The following PCDHGB1 variants were observed in gnomAD, a reference collection of about 807,000 sequenced individuals.
The protein encoded by PCDHGB1 is protocadherin gamma subfamily B, 1, also known as protocadherin gamma-B1.
In PCDHGB1, 34 loss-of-function variants were observed where a neutral mutation model predicts 56.6. The ratio of observed to expected loss-of-function variants is 0.60; its 90% confidence interval spans 0.46 to 0.80. PCDHGB1 has a LOEUF of 0.80. PCDHGB1 is among the 30% of genes least tolerant of loss of function. The pLI is 0.00. For synonymous variants in PCDHGB1, 561 were observed against 505.9 expected, an observed-to-expected ratio of 1.11 and a Z score of -1.46; for missense variants, 1,278 against 1,204.6, an observed-to-expected ratio of 1.06 and a Z score of -0.90.
At chr5:141,420,808 G>A (rs539942896) in intron 1 of PCDHGB1, among the ~76,000 whole-genome samples, 2 of 152,288 alleles carry the variant, frequency 1.3e-5, no homozygotes, top group Admixed American at 6.5e-5. Flanking sequence ...AATTAAGCAA[G>A]CCCTTTTAAT....
chr5:141,392,597 C>G (rs761805266), intron 1 of PCDHGB1: 11 of 501,346 alleles, frequency 2.2e-5, no homozygotes, highest in Non-Finnish European at 3.8e-5. Context: ...TGTTCACCTA[C>G]TGGAAGACAA....
In PCDHGB1 at chr5:141,486,077, C is replaced by T; in HGVS notation, c.2410-8730C>T. 6.2e-7 allele frequency: 1 copy of T among 1,614,186 alleles called. No individual in the cohort carries two copies. The highest frequency in any genetic ancestry group is 8.5e-7 in the Non-Finnish European group (1 of 1,180,024). ...TAGCCTGCACCCCACTACTGGAAAG[C>T]TTACTCTTTTGGGGCCCCTAGACTT... On this transcript the variant is annotated intron_variant, in intron 1 of 3. Coordinates refer to ENST00000523390, the MANE Select transcript of PCDHGB1 (RefSeq NM_018922.3). The surrounding 1 kb of genome is among the most constrained non-coding windows in gnomAD (Gnocchi z 5.0).
At chr5:141,403,118 C>A (rs780657795) in intron 1 of PCDHGB1, 2 of 1,614,058 alleles carry the variant, frequency 1.2e-6, no homozygotes. Context: ...GGCTCTGGAG[C>A]CCCGGGAGCT....
At chr5:141,361,247 CGAGAGACAGAGACTCTG>C in intron 1 of PCDHGB1, 4 of 1,613,946 alleles carry the variant, frequency 2.5e-6, no homozygotes, top group Non-Finnish European at 3.4e-6. Context: ...TTGATAAAAA[CGAGAGACAGAGACTCTG>C]GAGAAAATGG....
intron 2 of PCDHGB1, among the ~76,000 whole-genome samples, chr5:141,501,719 T>C (rs1024307894): frequency 6.6e-6 from 1 of 152,028 alleles, no homozygotes; most frequent in African/African-American, 2.4e-5. Context: ...AAAAGACAAA[T>C]ATATTACCCA....
intron 1 of PCDHGB1, chr5:141,361,617 C>A (rs762792613): frequency 4.3e-6 from 7 of 1,613,866 alleles, no homozygotes; most frequent in Admixed American, 1.7e-5. Context: ...TCGTAGCGAG[C>A]GACCTGAAGC....
At chr5:141,406,836 TC>T (rs2094857566) in intron 1 of PCDHGB1, among the ~76,000 whole-genome samples, 1 of 152,232 alleles carries the variant, frequency 6.6e-6, no homozygotes, top group Non-Finnish European at 1.5e-5. Context: ...AACTTGCATA[TC>T]AGATATAATT....
rs1235728365 is a variant in PCDHGB1 at position 141,485,502 on chromosome 5, C to T, written c.2410-9305C>T. ...TGCATCGTGCCCCTGGAGTTTGTCACCGAAGGTCCTTTGGAAATGTACCGA... is the reference window on the plus strand; with the variant it reads ...TGCATCGTGCCCCTGGAGTTTGTCATCGAAGGTCCTTTGGAAATGTACCGA... On this transcript the variant is annotated intron_variant, in intron 1 of 3. Transcript: ENST00000523390. This position sits in a 1 kb window ranked among gnomAD's most constrained non-coding sequence, Gnocchi z 5.7. 2 of 1,614,114 alleles carry T rather than the reference C, an allele frequency of 1.2e-6. No homozygotes were observed. Among genetic ancestry groups the T allele is most frequent in the Non-Finnish European group, 8.5e-7 (1 of 1,180,044 alleles).
chr5:141,350,526 G>A lies in PCDHGB1; in HGVS notation c.266G>A (p.Arg89Gln). Residue 89 changes from arginine to glutamine, a missense_variant, in exon 1 of 4, where the codon CGA becomes CAA. Transcript: ENST00000523390. The part of the protein sequence containing the change: ...GDLLVNGRID[R>Q]EKICGRKLEC... Reference sequence around the variant, plus strand: ...TTGTTAGTGAACGGTAGGATAGATCGAGAGAAGATTTGCGGAAGGAAACTT... The same window carrying A: ...TTGTTAGTGAACGGTAGGATAGATCAAGAGAAGATTTGCGGAAGGAAACTT... 1 of 1,614,020 alleles carries A rather than the reference G, an allele frequency of 6.2e-7. No homozygotes were observed. Among genetic ancestry groups the A allele is most frequent in the Non-Finnish European group, 8.5e-7 (1 of 1,179,894 alleles).
intron 1 of PCDHGB1, chr5:141,379,705 C>T (rs1775757725): frequency 6.6e-6 from 1 of 152,118 alleles, no homozygotes; most frequent in South Asian, 2.1e-4. Context: ...GTTAAACATC[C>T]TGGCAGTCAT....
At chr5:141,421,080 C>G in intron 1 of PCDHGB1, 1 of 638,368 alleles carries the variant, frequency 1.6e-6, no homozygotes, top group South Asian at 2.1e-5. Flanking sequence ...GATGGATACT[C>G]ACAGATCCTG....
intron 1 of PCDHGB1, among the ~76,000 whole-genome samples, chr5:141,359,645 G>T (rs1457992674): frequency 6.6e-6 from 1 of 151,998 alleles, no homozygotes; most frequent in Non-Finnish European, 1.5e-5. Context: ...TGTAAAGAAG[G>T]AGACAGAATA....
intron 1 of PCDHGB1, chr5:141,413,082 A>C: frequency 3.7e-6 from 5 of 1,344,442 alleles, no homozygotes; most frequent in Non-Finnish European, 5.1e-6. Context: ...CCCAGGCTAC[A>C]GAGACACCCT....
chr5:141,489,994 C>A lies in PCDHGB1; in HGVS notation c.2410-4813C>A, dbSNP rs1307285048. The A allele has an allele frequency of 1.2e-5, 19 of 1,614,192 alleles. No individual in the cohort carries two copies. The highest frequency in any genetic ancestry group is 1.6e-4 in the Middle Eastern group (1 of 6,062). On this transcript the variant is annotated intron_variant, in intron 1 of 3. Transcript: ENST00000523390. This position sits in a 1 kb window ranked among gnomAD's most constrained non-coding sequence, Gnocchi z 4.5. Reference sequence around the variant, plus strand: ...ATCCTCAGTTCTACGTGTGGGAATCCCAGAGAATGCACCCATTGGTACTCT... The same window carrying A: ...ATCCTCAGTTCTACGTGTGGGAATCACAGAGAATGCACCCATTGGTACTCT...
intron 1 of PCDHGB1, chr5:141,413,140 A>G: frequency 1.3e-6 from 2 of 1,563,150 alleles, no homozygotes; most frequent in Non-Finnish European, 1.7e-6. Context: ...CAACGTGTCC[A>G]GTGAGGACTT....
chr5:141,381,114 C>T (rs1776995401), intron 1 of PCDHGB1, among the ~76,000 whole-genome samples: 1 of 152,152 alleles, frequency 6.6e-6, no homozygotes, highest in Non-Finnish European at 1.5e-5. Context: ...CAAAGTGTTC[C>T]CTGTATTCTG....
intron 1 of PCDHGB1, among the ~76,000 whole-genome samples, chr5:141,446,325 T>G (rs1440954528): frequency 3.9e-5 from 6 of 152,124 alleles, no homozygotes; most frequent in African/African-American, 1.4e-4. Flanking sequence ...GTTTCCACAT[T>G]AAGGAACTGG....
intron 1 of PCDHGB1, chr5:141,360,218 C>T (rs1331722103): frequency 6.2e-7 from 1 of 1,613,378 alleles, no homozygotes; most frequent in African/African-American, 1.3e-5. Context: ...TTCCCCGGGG[C>T]TCTCCCAGTC....
At position 141,485,359 on chromosome 5, in the gene PCDHGB1, C is replaced by G. The variant is rs1233826208; in HGVS notation, c.2410-9448C>G. 6.2e-7 allele frequency: 1 copy of G among 1,614,026 alleles called. No individual in the cohort carries two copies. The highest frequency in any genetic ancestry group is 8.5e-7 in the Non-Finnish European group (1 of 1,180,018). On this transcript the variant is annotated intron_variant, in intron 1 of 3. Transcript: ENST00000523390. This position sits in a 1 kb window ranked among gnomAD's most constrained non-coding sequence, Gnocchi z 5.7. ...TGGATACGGACAGTCTGTCAGCTCG[C>G]AGGCTGCAGGTCGCTGGAGAGGTGA...
Sources: gnomAD v4.1 joint callset for allele counts (sites outside exome capture counted in the v4.1 genomes callset) on GRCh38, gnomAD v4.1.1 for gene constraint, Gnocchi (gnomAD v3.1) non-coding constraint, MANE v1.5 for transcripts, NCBI Gene and HGNC (gene_info 2026-07-23, HGNC 2026-07-21) for gene names.